Variants in DYSF observed in about 807,000 individuals in gnomAD.
DYSF encodes dystrophy-associated fer-1-like 1.
Under a neutral mutation model 274.9 loss-of-function variants are expected in DYSF, and 212 were observed. The observed-to-expected ratio is 0.77, with a 90% CI of 0.69 to 0.86. DYSF has a LOEUF of 0.86. DYSF is among the 40% of genes least tolerant of loss of function. DYSF has a pLI of 0.00. For synonymous variants in DYSF, 1,091 were observed against 1,078.7 expected (o/e 1.01, Z -0.22); for missense variants, 2,666 against 2,783.2 (o/e 0.96, Z 0.95).
intron 52 of DYSF, among the ~76,000 whole-genome samples, chr2:71,676,919 A>ATGTG (rs1188164062): frequency 2.1e-4 from 18 of 86,054 alleles, no homozygotes; most frequent in Admixed American, 9.1e-4. Context: ...TGCTGAGATA[A>ATGTG]TGTGTGTGTA....
intron 30 of DYSF, among the ~76,000 whole-genome samples, chr2:71,586,019 G>T (rs919845118): frequency 6.6e-6 from 1 of 151,948 alleles, no homozygotes; most frequent in Non-Finnish European, 1.5e-5. Context: ...GGTAGGGGGT[G>T]TAGGGGTTTG....
chr2:71,618,836 C>T (rs142996126), intron 40 of DYSF, among the ~76,000 whole-genome samples: 359 of 151,902 alleles, frequency 2.4e-3, no homozygotes, highest in African/African-American at 8.5e-3. Flanking sequence ...TGCTAGTGTG[C>T]AGGAGGCCTC....
chr2:71,516,307 C>T (rs1287335993), intron 9 of DYSF, 65 bp downstream of exon 9: 16 of 1,494,974 alleles, frequency 1.1e-5, no homozygotes, highest in Middle Eastern at 3.5e-4. Context: ...TCAGTGCACA[C>T]GCGTGTGTGT....
chr2:71,571,340 C>T (rs2092425704), intron 29 of DYSF, among the ~76,000 whole-genome samples: 1 of 151,036 alleles, frequency 6.6e-6, no homozygotes, highest in African/African-American at 2.4e-5. Context: ...ACAGCTCACA[C>T]CCAGCACACC....
At chr2:71,646,585 A>G (rs2152927226) in intron 42 of DYSF, among the ~76,000 whole-genome samples, 1 of 152,362 alleles carries the variant, frequency 6.6e-6, no homozygotes, top group East Asian at 1.9e-4. Flanking sequence ...CAGTGGGTGC[A>G]GGAAAACAGA....
intron 13 of DYSF, among the ~76,000 whole-genome samples, chr2:71,526,660 A>G (rs953513304): frequency 6.6e-6 from 1 of 152,212 alleles, no homozygotes; most frequent in Non-Finnish European, 1.5e-5. Flanking sequence ...TTCTGGCCTT[A>G]GGGCTGGCTC....
At chr2:71,553,752 A>ACCCCCCCCC in intron 20 of DYSF, 55 bp from the exon 21 acceptor site, 1 of 267,802 alleles carries the variant, frequency 3.7e-6, no homozygotes, top group African/African-American at 4.3e-5. Flanking sequence ...TTAGCACCCC[A>ACCCCCCCCC]TCCCACCCGC....
At chr2:71,460,795 G>A (rs2081250503) in intron 1 of DYSF, among the ~76,000 whole-genome samples, 1 of 151,948 alleles carries the variant, frequency 6.6e-6, no homozygotes, top group Non-Finnish European at 1.5e-5. Context: ...GAAGGCAGAA[G>A]TCCCTTGGAA....
At chr2:71,467,159 G>C (rs1222298259) in intron 1 of DYSF, among the ~76,000 whole-genome samples, 1 of 152,234 alleles carries the variant, frequency 6.6e-6, no homozygotes, top group African/African-American at 2.4e-5. Context: ...AAAAGCGAAA[G>C]TGCCGTAGGT....
intron 45 of DYSF, among the ~76,000 whole-genome samples, chr2:71,661,713 C>T (rs1012316747): frequency 2.0e-5 from 3 of 152,214 alleles, no homozygotes; most frequent in African/African-American, 7.2e-5. Context: ...ATTTCTCTCG[C>T]ACCTGCAGAA....
chr2:71,674,414 T>G, intron 52 of DYSF, 118 bp downstream of exon 52: 1 of 981,600 alleles, frequency 1.0e-6, no homozygotes, highest in Non-Finnish European at 1.6e-6. Context: ...GATCCCACTT[T>G]CTGCTTTCAG....
intron 1 of DYSF, among the ~76,000 whole-genome samples, chr2:71,467,361 C>G (rs1467667287): frequency 6.6e-6 from 1 of 152,146 alleles, no homozygotes; most frequent in Non-Finnish European, 1.5e-5. Context: ...TTCATTCATT[C>G]ACCCATCTTT....
chr2:71,595,770 C>T (rs577464800), intron 32 of DYSF, among the ~76,000 whole-genome samples: 17 of 152,342 alleles, frequency 1.1e-4, no homozygotes, highest in Non-Finnish European at 2.2e-4. Flanking sequence ...AAGTGCTTGC[C>T]TCAGCTAGGG....
intron 42 of DYSF, 101 bp downstream of exon 42, chr2:71,644,164 G>C (rs892962419): frequency 9.6e-7 from 1 of 1,045,044 alleles, no homozygotes; most frequent in African/African-American, 1.6e-5. Flanking sequence ...ATTTGCATTT[G>C]TCTCCTCATT....
At chr2:71,655,827 T>A (rs762462499) in intron 42 of DYSF, among the ~76,000 whole-genome samples, 2 of 152,196 alleles carry the variant, frequency 1.3e-5, no homozygotes, top group Non-Finnish European at 2.9e-5. Flanking sequence ...ACTTACAATA[T>A]TTTATTGACC....
chr2:71,562,754 G>A (rs1053485167), intron 23 of DYSF, among the ~76,000 whole-genome samples: 2 of 152,262 alleles, frequency 1.3e-5, no homozygotes, highest in South Asian at 4.1e-4. Context: ...GCTCAGGAAG[G>A]GATGTGGGTC....
At chr2:71,633,048 C>A (rs968899595) in intron 41 of DYSF, among the ~76,000 whole-genome samples, 1 of 152,216 alleles carries the variant, frequency 6.6e-6, no homozygotes. Flanking sequence ...TAATGATCCC[C>A]TCCACAGATG....
chr2:71,492,453 A>G (rs1261683439), intron 3 of DYSF, among the ~76,000 whole-genome samples: 2 of 152,246 alleles, frequency 1.3e-5, no homozygotes, highest in Non-Finnish European at 2.9e-5. Context: ...ACAGTGAGTC[A>G]GTGATGAGTT....
chr2:71,646,920 A>G (rs2094575986), intron 42 of DYSF, among the ~76,000 whole-genome samples: 1 of 152,210 alleles, frequency 6.6e-6, no homozygotes, highest in African/African-American at 2.4e-5. Flanking sequence ...GTGTAAACCA[A>G]AGGAAAACAG....
Sources: allele counts gnomAD v4.1 joint callset (sites outside exome capture counted in the v4.1 genomes callset), GRCh38; gene constraint gnomAD v4.1.1; transcripts MANE v1.5; gene names NCBI Gene and HGNC (gene_info 2026-07-23, HGNC 2026-07-21).